ZMAT1: variants seen among roughly 807,000 people sequenced by gnomAD.
ZMAT1 encodes the protein zinc finger matrin-type protein 1.
In ZMAT1, 11 loss-of-function variants were observed where a neutral mutation model predicts 18.5. The ratio of observed to expected loss-of-function variants is 0.59; its 90% CI spans 0.37 to 0.98. The LOEUF is 0.98. Ranked by LOEUF, ZMAT1 falls within the 50% of genes least tolerant of loss-of-function variation. ZMAT1 has a pLI of 0.01. For synonymous variants in ZMAT1, 211 were observed against 176.4 expected (o/e 1.20, Z -1.55); for missense variants, 525 against 496.2 (o/e 1.06, Z -0.55).
At chrX:101,888,028 G>A (rs1035211409) in intron 4 of ZMAT1, 17 of 111,496 alleles carry the variant, frequency 1.5e-4, no homozygotes, top group African/African-American at 5.5e-4. Flanking sequence ...ATCAACTGGG[G>A]TGTCAGTTAA....
At chrX:101,901,770 T>G (rs1169591171) in intron 2 of ZMAT1, among the ~76,000 whole-genome samples, 1 of 111,966 alleles carries the variant, frequency 8.9e-6, no homozygotes, top group African/African-American at 3.2e-5. Flanking sequence ...TGGAATCATT[T>G]GATACATATT....
At chrX:101,929,417 G>GATTATATATATATATATTCTATATAT (rs1333708989) in intron 1 of ZMAT1, among the ~76,000 whole-genome samples, 6 of 36,912 alleles carry the variant, frequency 1.6e-4, no homozygotes, top group African/African-American at 6.4e-4. Context: ...TATATATAGA[G>GATTATATATATATATATTCTATATAT]AGAGATTATA....
intron 1 of ZMAT1, among the ~76,000 whole-genome samples, chrX:101,929,877 T>C (rs1343667334): frequency 9.0e-6 from 1 of 111,353 alleles, no homozygotes. Context: ...CCTCGGAGTG[T>C]GGGGAGTTTT....
At chrX:101,903,938 A>G (rs760029496) in intron 2 of ZMAT1, among the ~76,000 whole-genome samples, 1 of 111,708 alleles carries the variant, frequency 9.0e-6, no homozygotes, top group East Asian at 2.8e-4. Context: ...ATAATGCCTC[A>G]CTTATATTTA....
intron 4 of ZMAT1, 148 bp from the exon 5 acceptor site, chrX:101,886,879 T>C (rs1926996385): frequency 2.3e-6 from 1 of 443,019 alleles, no homozygotes; most frequent in Admixed American, 4.5e-5. Flanking sequence ...AATGACTTGG[T>C]CAAAGTCACA....
chrX:101,887,013 T>C (rs1927008505), intron 4 of ZMAT1: 1 of 188,450 alleles, frequency 5.3e-6, no homozygotes, highest in South Asian at 2.1e-4. Flanking sequence ...CTGCTATCTG[T>C]CTACTTACTG....
At chrX:101,892,284 G>A (rs897808434) in intron 4 of ZMAT1, among the ~76,000 whole-genome samples, 2 of 111,306 alleles carry the variant, frequency 1.8e-5, no homozygotes, top group African/African-American at 6.5e-5. Context: ...TGTATAGGGT[G>A]GAACTGATCC....
In ZMAT1 at chrX:101,931,989, G is replaced by A; in HGVS notation, c.20C>T (p.Thr7Ile). ...AGACTCCGCCGCCAGCGGGGTGACT[G>A]TGCTCGGCGCCGCCGCCATCGCAGC... MAAAPS[T>I]VTPLAAESSP... Residue 7 changes from threonine to isoleucine, a missense_variant, in exon 1 of 6, where the codon ACA (threonine) becomes ATA (isoleucine). By Grantham distance (89) the Thr-to-Ile change is moderately conservative (BLOSUM62 -1). Coordinates refer to ENST00000651725, the MANE Select transcript of ZMAT1 (RefSeq NM_001394560.1). The A allele has an allele frequency of 2.6e-6, 2 of 769,371 alleles. No homozygotes were observed. Among genetic ancestry groups the A allele is most frequent in the Non-Finnish European group, 3.1e-6 (2 of 649,398 alleles). 63.4% of individuals were successfully genotyped at this position (769,371 alleles called of 1,213,427 possible). A position where few individuals can be genotyped will look rare whatever the true frequency, so the allele number is the denominator to read the frequency against.
At chrX:101,894,909 G>A (rs1318114518) in intron 4 of ZMAT1, 3 of 749,203 alleles carry the variant, frequency 4.0e-6, no homozygotes, top group East Asian at 1.5e-4. Context: ...AGGTGCCTGT[G>A]GGGGGAAAAA....
intron 4 of ZMAT1, among the ~76,000 whole-genome samples, chrX:101,897,023 C>A (rs1603276501): frequency 1.8e-5 from 2 of 109,605 alleles, no homozygotes; most frequent in Middle Eastern, 9.6e-3. Context: ...TTTTTGCCTA[C>A]AGTTAGTAGG....
At chrX:101,929,454 T>C (rs375748732) in intron 1 of ZMAT1, among the ~76,000 whole-genome samples, 28,998 of 68,232 alleles carry the variant, frequency 0.42, 4,000 homozygotes, top group African/African-American at 0.56. Context: ...TATATATATA[T>C]ATACACACAG....
chrX:101,883,754 T>G lies in ZMAT1; in HGVS notation c.1844A>C (p.Lys615Thr), dbSNP rs989225060. ...GKERPEKEQSKHKRKKSYEDT... is the reference protein window; with the variant it reads ...GKERPEKEQSTHKRKKSYEDT... ...TTCATAACTCTTTTTCCTTTTATGC[T>G]TGGACTGCTCTTTCTCTGGCCTTTC... is the stretch of plus-strand genomic sequence containing the variant. The change falls in exon 6 of 6, where the codon AAG becomes ACG. Residue 615 changes from lysine (K) to threonine (T), a missense_variant. Physicochemically the swap from Lys to Thr is moderately conservative, Grantham distance 78. Transcript: ENST00000651725. 1 of 1,206,339 alleles carries G rather than the reference T, an allele frequency of 8.3e-7. No individual in the cohort carries two copies. The highest frequency in any genetic ancestry group is 1.1e-6 in the Non-Finnish European group (1 of 894,218).
intron 4 of ZMAT1, chrX:101,889,364 C>T: frequency 9.0e-6 from 1 of 111,016 alleles, no homozygotes; most frequent in East Asian, 2.9e-4. Flanking sequence ...CACCCAGAAA[C>T]TCAGGCTCCT....
At chrX:101,889,382 T>G (rs1000985360) in intron 4 of ZMAT1, 10 of 111,103 alleles carry the variant, frequency 9.0e-5, no homozygotes, top group Non-Finnish European at 1.7e-4. Context: ...CCTTTATCGC[T>G]TGTACCCTTC....
chrX:101,927,060 A>G (rs1930099366), intron 1 of ZMAT1, among the ~76,000 whole-genome samples: 1 of 112,605 alleles, frequency 8.9e-6, no homozygotes, highest in Admixed American at 9.4e-5. Flanking sequence ...AAATCTGAGA[A>G]ATAATCATTT....
At chrX:101,904,479 A>AT in intron 1 of ZMAT1, 149 bp from the exon 2 acceptor site, 1 of 435,348 alleles carries the variant, frequency 2.3e-6, no homozygotes, top group Non-Finnish European at 4.0e-6. Flanking sequence ...TCGAGTGTGC[A>AT]ATTTAATATG....
At chrX:101,902,506 C>A (rs1603278320) in intron 2 of ZMAT1, among the ~76,000 whole-genome samples, 1 of 111,514 alleles carries the variant, frequency 9.0e-6, no homozygotes, top group Non-Finnish European at 1.9e-5. Flanking sequence ...ATATAGGAAA[C>A]CAGGCTAATA....
intron 4 of ZMAT1, chrX:101,894,701 CAGAAAT>C (rs1460561532): frequency 2.7e-6 from 2 of 736,288 alleles, no homozygotes; most frequent in Non-Finnish European, 3.2e-6. Flanking sequence ...AAAAAAGAAA[CAGAAAT>C]AGAGAAGAAC....
rs1009807929 is a variant in ZMAT1 at position 101,882,463 on chromosome X, G to GA, written c.*1046dup. On this transcript the variant is annotated 3_prime_UTR_variant, in exon 6 of 6. Transcript: ENST00000651725. ...TACACTGCAAATTAGATTTAACAAAGAAAAAATCAGTTTAAGTTATTTCAT... is the reference window on the plus strand; with the variant it reads ...TACACTGCAAATTAGATTTAACAAAGAAAAAAATCAGTTTAAGTTATTTCAT... The GA allele has an allele frequency of 1.8e-5, 2 of 111,398 alleles. No individual in the cohort carries two copies. The highest frequency in any genetic ancestry group is 3.3e-5 in the African/African-American group (1 of 30,618). The allele number at this position is 111,398 out of a possible 1,213,427, so 9.2% of individuals were successfully genotyped here. A position where few individuals can be genotyped will look rare whatever the true frequency, so the allele number is the denominator to read the frequency against.
Sources: allele counts gnomAD v4.1 joint callset (sites outside exome capture counted in the v4.1 genomes callset), GRCh38; gene constraint gnomAD v4.1.1; transcripts MANE v1.5; gene names NCBI Gene and HGNC (gene_info 2026-07-23, HGNC 2026-07-21).